Variants in PICALM observed in about 807,000 individuals in gnomAD.
PICALM encodes phosphatidylinositol-binding clathrin assembly protein.
A neutral mutation model predicts 80.5 loss-of-function variants in PICALM; 40 were observed. The observed-to-expected ratio is 0.50, with a 90% CI of 0.39 to 0.65. The LOEUF is 0.65. PICALM is among the 30% of genes least tolerant of loss of function. The probability of loss-of-function intolerance (pLI) is 0.00; values close to 1 mark genes in which losing one functional copy is unlikely to be tolerated. For synonymous variants in PICALM, 288 were observed against 260.3 expected (o/e 1.11, Z -1.02); for missense variants, 676 against 778.9 (o/e 0.87, Z 1.57).
At position 86,068,856 on chromosome 11, in the gene PICALM, AC is replaced by A. The variant is rs2096484929; in HGVS notation, c.-77del. 15 of 1,424,588 alleles carry A rather than the reference AC, an allele frequency of 1.1e-5. No individual in the cohort carries two copies. Among genetic ancestry groups the A allele is most frequent in the Middle Eastern group, 2.4e-4 (1 of 4,132 alleles). 88.2% of individuals were successfully genotyped at this position (1,424,588 alleles called of 1,614,324 possible). A position where few individuals can be genotyped will look rare whatever the true frequency, so the allele number is the denominator to read the frequency against. ...GACCCCCAAGAGCCGGAGGGTCCCC[AC>A]CCCCCACCGCACCCCCTACCCCCAC... On this transcript the variant is annotated 5_prime_UTR_variant, in exon 1 of 20. Transcript: ENST00000393346.
intron 1 of PICALM, among the ~76,000 whole-genome samples, chr11:86,059,685 C>A (rs1404231038): frequency 2.0e-5 from 3 of 152,008 alleles, no homozygotes; most frequent in Non-Finnish European, 4.4e-5. Context: ...TCCCTTGAGC[C>A]CAAGAGTTCA....
chr11:86,013,160 G>A (rs1745319661), intron 5 of PICALM, among the ~76,000 whole-genome samples: 2 of 151,868 alleles, frequency 1.3e-5, no homozygotes, highest in African/African-American at 4.8e-5. Context: ...CTAAAACCAA[G>A]AAAAGGCAGC....
chr11:86,000,863 T>C, intron 10 of PICALM, 84 bp from the exon 11 acceptor site: 2 of 1,524,458 alleles, frequency 1.3e-6, no homozygotes, highest in Non-Finnish European at 1.8e-6. Flanking sequence ...TCTAATTTGT[T>C]CTGATAGCAG....
chr11:85,969,955 A>G (rs2094043803), intron 19 of PICALM, among the ~76,000 whole-genome samples: 1 of 152,244 alleles, frequency 6.6e-6, no homozygotes, highest in Non-Finnish European at 1.5e-5. Flanking sequence ...TTTGAACACC[A>G]CTGCAAGTTA....
At chr11:86,025,611 T>G (rs1022281493) in intron 3 of PICALM, among the ~76,000 whole-genome samples, 2 of 151,732 alleles carry the variant, frequency 1.3e-5, no homozygotes, top group African/African-American at 4.8e-5. Context: ...CAGGCTGGAG[T>G]GCAGTGGCAT....
chr11:86,018,067 C>T (rs972114624), intron 4 of PICALM, among the ~76,000 whole-genome samples: 4 of 152,068 alleles, frequency 2.6e-5, no homozygotes, highest in Non-Finnish European at 5.9e-5. Flanking sequence ...AGTCAGTAAA[C>T]CAGCTAAAGT....
In PICALM at chr11:86,049,204, G is replaced by A. The variant is rs1158334279; in HGVS notation, c.131-17593C>T. Among the ~76,000 whole-genome samples, 2 of 152,110 alleles carry A rather than the reference G, an allele frequency of 1.3e-5. 1 individual carries two copies. The highest frequency in any genetic ancestry group is 4.1e-4 in the South Asian group (2 of 4,834). ...AACTACTTGGGAGGCTGAGGCATGAGAATCACTGGAACCCAGTGCAGTGAG... is the reference window on the plus strand; with the variant it reads ...AACTACTTGGGAGGCTGAGGCATGAAAATCACTGGAACCCAGTGCAGTGAG... On this transcript the variant is annotated intron_variant, in intron 1 of 19. Transcript: ENST00000393346.
At chr11:85,960,425 G>T (rs1221997854) in intron 19 of PICALM, among the ~76,000 whole-genome samples, 1 of 152,150 alleles carries the variant, frequency 6.6e-6, no homozygotes, top group Non-Finnish European at 1.5e-5. Flanking sequence ...AACTTTATCC[G>T]ATCTCATCCA....
intron 17 of PICALM, among the ~76,000 whole-genome samples, chr11:85,977,433 G>C (rs1592459132): frequency 6.6e-6 from 1 of 152,244 alleles, no homozygotes; most frequent in African/African-American, 2.4e-5. Flanking sequence ...TTTAGATATA[G>C]TTGCTGTCTT....
intron 12 of PICALM, among the ~76,000 whole-genome samples, chr11:85,993,015 T>A (rs981165396): frequency 6.6e-6 from 1 of 152,090 alleles, no homozygotes; most frequent in Non-Finnish European, 1.5e-5. Context: ...AACCAATTCA[T>A]TAAGGTATAA....
intron 17 of PICALM, 52 bp downstream of exon 17, chr11:85,981,077 T>C: frequency 4.7e-6 from 4 of 853,956 alleles, no homozygotes; most frequent in Non-Finnish European, 8.1e-6. Flanking sequence ...TCATGTTACA[T>C]ATTTAACTAA....
intron 17 of PICALM, 45 bp from the exon 18 acceptor site, chr11:85,976,727 T>A: frequency 8.8e-7 from 1 of 1,140,178 alleles, no homozygotes; most frequent in Non-Finnish European, 1.3e-6. Context: ...ATAACTCATG[T>A]GTGTCAACTG....
chr11:85,966,048 C>A (rs1173083538), intron 19 of PICALM, among the ~76,000 whole-genome samples: 1 of 151,922 alleles, frequency 6.6e-6, no homozygotes, highest in Non-Finnish European at 1.5e-5. Context: ...AACTCTTGAC[C>A]TCGTGATCTG....
At chr11:86,020,305 C>G (rs151225316) in intron 4 of PICALM, among the ~76,000 whole-genome samples, 4 of 151,406 alleles carry the variant, frequency 2.6e-5, no homozygotes, top group African/African-American at 9.7e-5. Context: ...CCAAACTGAT[C>G]TATAGATTCA....
chr11:86,031,724 G>A (rs2136778204), intron 1 of PICALM, 113 bp from the exon 2 acceptor site: 1 of 701,364 alleles, frequency 1.4e-6, no homozygotes, highest in Non-Finnish European at 2.3e-6. Flanking sequence ...AGCAGTAATA[G>A]TTTGGAGATG....
chr11:85,971,501 C>T (rs890873627), intron 19 of PICALM, among the ~76,000 whole-genome samples: 9 of 150,980 alleles, frequency 6.0e-5, no homozygotes, highest in African/African-American at 1.7e-4. Flanking sequence ...TTTGGGAGGC[C>T]GAGGCAGATG....
At chr11:86,059,408 G>C (rs2096320837) in intron 1 of PICALM, among the ~76,000 whole-genome samples, 1 of 152,210 alleles carries the variant, frequency 6.6e-6, no homozygotes, top group Non-Finnish European at 1.5e-5. Flanking sequence ...TAAATGGTGA[G>C]AATAATGCTG....
At chr11:86,049,249 C>CT (rs1442360227) in intron 1 of PICALM, among the ~76,000 whole-genome samples, 1 of 152,110 alleles carries the variant, frequency 6.6e-6, no homozygotes, top group Non-Finnish European at 1.5e-5. Context: ...TGCCACTGCA[C>CT]TGCAGCCTGG....
At chr11:86,062,629 C>A (rs1392978620) in intron 1 of PICALM, among the ~76,000 whole-genome samples, 1 of 151,946 alleles carries the variant, frequency 6.6e-6, no homozygotes, top group African/African-American at 2.4e-5. Context: ...TATAATATAT[C>A]TTGATAATAA....
Sources: allele counts gnomAD v4.1 joint callset (sites outside exome capture counted in the v4.1 genomes callset), GRCh38; gene constraint gnomAD v4.1.1; transcripts MANE v1.5; gene names NCBI Gene and HGNC (gene_info 2026-07-23, HGNC 2026-07-21).